The following ASTN2 variants were observed in gnomAD, a reference collection of about 807,000 sequenced individuals.
The protein encoded by ASTN2 is astrotactin-2.
Under a neutral mutation model 139.8 loss-of-function variants are expected in ASTN2, and 54 were observed. The observed-to-expected ratio is 0.39, with a 90% confidence interval of 0.31 to 0.48. ASTN2 has a LOEUF of 0.48. Among genes scored for constraint, ASTN2 ranks in the 20% least tolerant of loss-of-function variants. The probability of loss-of-function intolerance (pLI) is 0.95; values close to 1 mark genes in which losing one functional copy is unlikely to be tolerated. For synonymous variants in ASTN2, 756 were observed against 719.5 expected (o/e 1.05, Z -0.81); for missense variants, 1,565 against 1,725.1 (o/e 0.91, Z 1.64).
chr9:116,854,651 CT>C lies in ASTN2; in HGVS notation c.2040+8931del, dbSNP rs764856702. Among the ~76,000 whole-genome samples, 672 of 121,898 alleles carry C rather than the reference CT, an allele frequency of 5.5e-3. 2 individuals are homozygous for C. The highest frequency in any genetic ancestry group is 8.4e-3 in the Middle Eastern group (2 of 238). 80.0% of individuals were successfully genotyped at this position (121,898 alleles called of 152,430 possible). On this transcript the variant is annotated intron_variant, in intron 11 of 22. Coordinates refer to ENST00000313400, the MANE Select transcript of ASTN2 (RefSeq NM_001365068.1). Reference sequence around the variant, plus strand: ...CCTCCAATTTGGGGCTTCCTTCTCTCTTTTTTTTTTTTTTTTTTTGAGACAA... The same window carrying C: ...CCTCCAATTTGGGGCTTCCTTCTCTCTTTTTTTTTTTTTTTTTTGAGACAA...
At chr9:116,545,037 C>T (rs1348545355) in intron 19 of ASTN2, among the ~76,000 whole-genome samples, 1 of 152,180 alleles carries the variant, frequency 6.6e-6, no homozygotes, top group Admixed American at 6.5e-5. Flanking sequence ...TCCTCCTCAG[C>T]CTTGGGACAG....
chr9:116,568,605 G>C (rs116752349), intron 19 of ASTN2: 59 of 152,494 alleles, frequency 3.9e-4, no homozygotes, highest in African/African-American at 1.4e-3. Flanking sequence ...TTACCAGCCA[G>C]CTCTCCATTC....
intron 6 of ASTN2, among the ~76,000 whole-genome samples, chr9:117,032,951 A>G (rs973482235): frequency 2.6e-5 from 4 of 152,286 alleles, no homozygotes; most frequent in Admixed American, 2.0e-4. Flanking sequence ...TAACCTGAAT[A>G]AAAAGACATT....
intron 5 of ASTN2, among the ~76,000 whole-genome samples, chr9:117,045,737 T>G (rs1838716120): frequency 6.6e-6 from 1 of 152,100 alleles, no homozygotes; most frequent in Non-Finnish European, 1.5e-5. Context: ...CATCAGACCC[T>G]TGTGTGTGGA....
intron 13 of ASTN2, among the ~76,000 whole-genome samples, chr9:116,736,170 A>C (rs1339611451): frequency 1.3e-5 from 2 of 152,232 alleles, no homozygotes; most frequent in Non-Finnish European, 2.9e-5. Flanking sequence ...GTTAAGTTTT[A>C]AAGTTGATTC....
intron 3 of ASTN2, among the ~76,000 whole-genome samples, chr9:117,204,450 C>A (rs536378536): frequency 7.9e-5 from 12 of 152,324 alleles, no homozygotes; most frequent in African/African-American, 2.9e-4. Flanking sequence ...AGCCACTATG[C>A]TGGATGCTAC....
At chr9:117,406,062 A>G (rs796369419) in intron 1 of ASTN2, among the ~76,000 whole-genome samples, 14 of 152,286 alleles carry the variant, frequency 9.2e-5, no homozygotes, top group African/African-American at 3.4e-4. Context: ...CTGGGATGAC[A>G]CTTAGCAAAC....
chr9:117,040,465 T>G (rs1214451060), intron 5 of ASTN2, among the ~76,000 whole-genome samples: 4 of 152,228 alleles, frequency 2.6e-5, no homozygotes, highest in Non-Finnish European at 4.4e-5. Context: ...TCTTTCTTTT[T>G]CTTTTTTGTT....
intron 17 of ASTN2, among the ~76,000 whole-genome samples, chr9:116,646,172 A>G (rs1365975589): frequency 6.6e-6 from 1 of 152,232 alleles, no homozygotes; most frequent in Non-Finnish European, 1.5e-5. Flanking sequence ...AACCTGTACT[A>G]TCTGCTTCCA....
intron 19 of ASTN2, among the ~76,000 whole-genome samples, chr9:116,509,664 G>A (rs970130745): frequency 6.6e-6 from 1 of 150,824 alleles, no homozygotes; most frequent in Non-Finnish European, 1.5e-5. Context: ...ATCCTCTCCA[G>A]CACCTGTTGT....
intron 5 of ASTN2, among the ~76,000 whole-genome samples, chr9:117,058,955 A>G (rs1195450733): frequency 1.3e-5 from 2 of 152,208 alleles, no homozygotes; most frequent in African/African-American, 4.8e-5. Context: ...AGGCATGCAA[A>G]ACGTTGAAGG....
At chr9:116,523,200 G>A (rs924800106) in intron 19 of ASTN2, among the ~76,000 whole-genome samples, 1 of 151,604 alleles carries the variant, frequency 6.6e-6, no homozygotes, top group Non-Finnish European at 1.5e-5. Context: ...ATAATTCAGA[G>A]ACCTTTTTTT....
At chr9:116,540,811 C>T (rs1851846333) in intron 19 of ASTN2, 1 of 152,074 alleles carries the variant, frequency 6.6e-6, no homozygotes, top group African/African-American at 2.4e-5. Context: ...GTCTAAAATG[C>T]AAGCACCCAT....
intron 3 of ASTN2, among the ~76,000 whole-genome samples, chr9:117,179,655 C>T (rs567299829): frequency 5.3e-4 from 81 of 152,050 alleles, no homozygotes; most frequent in Middle Eastern, 3.4e-3. Context: ...TGTAATGTAA[C>T]GACATGAGGG....
chr9:117,349,554 C>T (rs1046126426), intron 1 of ASTN2, among the ~76,000 whole-genome samples: 4 of 152,072 alleles, frequency 2.6e-5, no homozygotes, highest in African/African-American at 9.7e-5. Context: ...GAAAAAGAAT[C>T]GTTCACTAGT....
intron 4 of ASTN2, among the ~76,000 whole-genome samples, chr9:117,130,170 A>G (rs1829794142): frequency 6.6e-6 from 1 of 152,100 alleles, no homozygotes; most frequent in Admixed American, 6.5e-5. Context: ...TTAACTGGGC[A>G]TAGTGGCATG....
At chr9:116,564,782 A>G (rs1343794142) in intron 19 of ASTN2, among the ~76,000 whole-genome samples, 1 of 148,462 alleles carries the variant, frequency 6.7e-6, no homozygotes. Context: ...TCATTCATTC[A>G]TGGATTCATT....
intron 4 of ASTN2, among the ~76,000 whole-genome samples, chr9:117,103,555 A>G (rs1439491690): frequency 6.6e-6 from 1 of 152,046 alleles, no homozygotes; most frequent in Non-Finnish European, 1.5e-5. Context: ...TTTGCAATCT[A>G]CCTTCTATTC....
intron 4 of ASTN2, among the ~76,000 whole-genome samples, chr9:117,097,452 C>A (rs1206681523): frequency 6.6e-6 from 1 of 151,980 alleles, no homozygotes; most frequent in African/African-American, 2.4e-5. Flanking sequence ...GGAGAGAGAG[C>A]CTCTGAGGAT....
Sources: allele counts gnomAD v4.1 joint callset (sites outside exome capture counted in the v4.1 genomes callset), GRCh38; gene constraint gnomAD v4.1.1; transcripts MANE v1.5; gene names NCBI Gene and HGNC (gene_info 2026-07-23, HGNC 2026-07-21).